Variants in TTLL4 observed in about 807,000 individuals in gnomAD.
The protein encoded by TTLL4 is tubulin monoglutamylase TTLL4.
A neutral mutation model predicts 122.7 loss-of-function variants in TTLL4; 85 were observed. The observed-to-expected ratio is 0.69, with a 90% confidence interval of 0.58 to 0.83. TTLL4 has a LOEUF of 0.83. Ranked by LOEUF, TTLL4 falls within the 40% of genes least tolerant of loss-of-function variation. The pLI is 0.00. For missense variants in TTLL4, 1,363 were observed against 1,488.6 expected (o/e 0.92, Z 1.39); for synonymous variants, 553 against 563.0 (o/e 0.98, Z 0.25).
In TTLL4 at chr2:218,740,079, A is replaced by G. The variant is rs752193149; in HGVS notation, c.1509A>G (p.Pro503=). 1 of 1,614,190 alleles carries G rather than the reference A, an allele frequency of 6.2e-7. No individual in the cohort carries two copies. The highest frequency in any genetic ancestry group is 1.1e-5 in the South Asian group (1 of 91,086). ...TTAGTTCAGCTACTGACCTCCAGCC[A>G]GATCAGGCTGAGACTGAAGATACAG... ...RDISSATDLQ[P]DQAETEDTEE... is the part of the protein sequence containing the mutation. The change falls in exon 4 of 20, where the codon CCA becomes CCG. Residue 503 remains proline, a synonymous_variant. Coordinates refer to ENST00000392102, the MANE Select transcript of TTLL4 (RefSeq NM_014640.5).
At chr2:218,737,432 GTTC>G (rs1412442525) in intron 2 of TTLL4, 144 bp from the exon 3 acceptor site, 4 of 447,810 alleles carry the variant, frequency 8.9e-6, no homozygotes, top group African/African-American at 2.0e-5. Context: ...GAAATCTGGT[GTTC>G]TTCTCCCAGT....
intron 5 of TTLL4, among the ~76,000 whole-genome samples, chr2:218,742,421 A>C (rs994178185): frequency 1.3e-5 from 2 of 152,234 alleles, no homozygotes; most frequent in African/African-American, 4.8e-5. Flanking sequence ...AAATCATTGG[A>C]AACACTACCT....
At position 218,751,763 on chromosome 2, in the gene TTLL4, A is replaced by C. The variant is rs755827957; in HGVS notation, c.2933A>C (p.Lys978Thr). Residue 978 changes from lysine (K) to threonine (T), a missense_variant, in exon 16 of 20, where the codon AAG becomes ACG. Around this residue, in one of 3 missense-constraint regions of TTLL4, gnomAD observed 596 missense variants for 655.8 expected, o/e 0.91. Coordinates refer to ENST00000392102, the MANE Select transcript of TTLL4 (RefSeq NM_014640.5). ...GCTCCAGAGCATGTCACTGCACAGA[A>C]GATGAAGAAAGCCTATTATCTGACC... ...RMAPEHVTAQ[K>T]MKKAYYLTQK... is the part of the protein sequence containing the mutation. 82 of 1,613,568 alleles carry C rather than the reference A, an allele frequency of 5.1e-5. No individual in the cohort carries two copies. The highest frequency in any genetic ancestry group is 6.8e-5 in the Non-Finnish European group (80 of 1,179,714).
chr2:218,757,201 C>T (rs1315893058), downstream of TTLL4, among the ~76,000 whole-genome samples: 1 of 152,140 alleles, frequency 6.6e-6, no homozygotes, highest in African/African-American at 2.4e-5. Flanking sequence ...AAGAGACAGG[C>T]AAGAAACGTA....
intron 5 of TTLL4, among the ~76,000 whole-genome samples, chr2:218,741,926 T>G (rs2106441228): frequency 6.6e-6 from 1 of 152,376 alleles, no homozygotes; most frequent in African/African-American, 2.4e-5. Flanking sequence ...TTTCTCTATA[T>G]GAGGCTTAAA....
At chr2:218,714,449 A>T (rs1193822726) in intron 1 of TTLL4, among the ~76,000 whole-genome samples, 1 of 152,218 alleles carries the variant, frequency 6.6e-6, no homozygotes, top group Admixed American at 6.5e-5. Flanking sequence ...GCCTGTGATC[A>T]GGTGCTTTGG....
downstream of TTLL4, among the ~76,000 whole-genome samples, chr2:218,757,816 G>C (rs1943181456): frequency 6.6e-6 from 1 of 152,138 alleles, no homozygotes; most frequent in South Asian, 2.1e-4. Context: ...AGTTACCCAA[G>C]ATAGGTGACC....
At chr2:218,751,887 C>CTT (rs72027596) in intron 16 of TTLL4, 81 bp downstream of exon 16, 31,514 of 452,038 alleles carry the variant, frequency 0.07, 2,589 homozygotes, top group African/African-American at 0.31. Context: ...AACAGCTTTT[C>CTT]TTTTTTTTTT....
chr2:218,744,475 T>A (rs1575178055), intron 5 of TTLL4, among the ~76,000 whole-genome samples: 1 of 152,184 alleles, frequency 6.6e-6, no homozygotes, highest in Admixed American at 6.5e-5. Flanking sequence ...CTGTCCCACA[T>A]CAGCCACATC....
rs763106161 is a variant in TTLL4 at position 218,748,159 on chromosome 2, C to T, written c.2433C>T (p.Tyr811=). 1.9e-6 allele frequency: 3 copies of T among 1,614,180 alleles called. No individual in the cohort carries two copies. The highest frequency in any genetic ancestry group is 2.5e-6 in the Non-Finnish European group (3 of 1,180,026). The stretch of plus-strand genomic sequence containing the variant: ...ATAAGTTCATGCACCTGACCAACTA[C>T]AGTGTCAATAAAAAGAATGCCGAGT... The part of the protein sequence containing the change: ...LGNKFMHLTN[Y]SVNKKNAEYQ... Residue 811 remains tyrosine, a synonymous_variant, in exon 12 of 20, where the codon TAC becomes TAT. Transcript: ENST00000392102.
intron 1 of TTLL4, among the ~76,000 whole-genome samples, chr2:218,714,961 A>G (rs908773255): frequency 3.9e-5 from 6 of 152,210 alleles, no homozygotes; most frequent in African/African-American, 1.4e-4. Flanking sequence ...TAAGCCCATT[A>G]CTAACATGAA....
chr2:218,740,674 C>G (rs1942674900), intron 5 of TTLL4, 90 bp downstream of exon 5: 1 of 1,461,586 alleles, frequency 6.8e-7, no homozygotes, highest in Non-Finnish European at 9.5e-7. Context: ...CATTAATGGC[C>G]TGGAGAACTC....
At chr2:218,750,921 G>C (rs1254298471) in intron 15 of TTLL4, among the ~76,000 whole-genome samples, 5 of 152,020 alleles carry the variant, frequency 3.3e-5, no homozygotes, top group African/African-American at 1.2e-4. Context: ...CTAGAGAGGA[G>C]GGAGTTTATA....
chr2:218,740,434 GGATATT>G, intron 4 of TTLL4, 81 bp from the exon 5 acceptor site: 1 of 1,420,398 alleles, frequency 7.0e-7, no homozygotes, highest in Non-Finnish European at 9.9e-7. Context: ...GTTGAGCCCA[GGATATT>G]CAAGGAAGAG....
At chr2:218,746,960 C>T in intron 8 of TTLL4, 43 bp from the exon 9 acceptor site, 1 of 1,588,558 alleles carries the variant, frequency 6.3e-7, no homozygotes, top group Non-Finnish European at 8.6e-7. Context: ...CTCATGGCCT[C>T]ACCTCTGCCC....
At chr2:218,741,547 G>A (rs772829734) in intron 5 of TTLL4, among the ~76,000 whole-genome samples, 17 of 152,312 alleles carry the variant, frequency 1.1e-4, no homozygotes, top group Middle Eastern at 3.4e-3. Context: ...GCAAGGTGGA[G>A]ACAGAGCTGT....
At position 218,738,772 on chromosome 2, in the gene TTLL4, C is replaced by T. The variant is rs1348971994; in HGVS notation, c.1096C>T (p.Pro366Ser). The change falls in exon 3 of 20, where the codon CCC becomes TCC. Residue 366 changes from proline to serine, a missense_variant. Physicochemically the swap from Pro to Ser is moderately conservative, Grantham distance 74 (BLOSUM62 -1). Coordinates refer to ENST00000392102, the MANE Select transcript of TTLL4 (RefSeq NM_014640.5). ...CQLEQSSFLNPSFQWNVLNRS... is the reference protein window; with the variant it reads ...CQLEQSSFLNSSFQWNVLNRS... ...GCTTGAACAGTCTAGTTTCCTGAAC[C>T]CCAGCTTCCAGTGGAATGTCCTCAA... 2 of 1,613,998 alleles carry T rather than the reference C, an allele frequency of 1.2e-6. No homozygotes were observed. The highest frequency in any genetic ancestry group is 1.3e-5 in the African/African-American group (1 of 74,892).
At chr2:218,751,591 C>G in intron 15 of TTLL4, 113 bp from the exon 16 acceptor site, 1 of 1,406,232 alleles carries the variant, frequency 7.1e-7, no homozygotes, top group Non-Finnish European at 9.3e-7. Flanking sequence ...TCTGTTCATA[C>G]ATCTTTGTCT....
At chr2:218,718,284 TG>T (rs2106390854) in intron 1 of TTLL4, among the ~76,000 whole-genome samples, 2 of 152,334 alleles carry the variant, frequency 1.3e-5, no homozygotes, top group East Asian at 3.9e-4. Context: ...AATGAATAAT[TG>T]CTTTCTCTAG....
Sources: gnomAD v4.1 joint callset for allele counts (sites outside exome capture counted in the v4.1 genomes callset) on GRCh38, gnomAD v4.1.1 for gene constraint, gnomAD v4.1.1 regional missense constraint, MANE v1.5 for transcripts, NCBI Gene and HGNC (gene_info 2026-07-23, HGNC 2026-07-21) for gene names.